Variants in MROH1 observed in about 807,000 individuals in gnomAD.
The protein encoded by MROH1 is maestro heat like repeat family member 1.
In MROH1, 117 loss-of-function variants were observed where a neutral mutation model predicts 116.5. The ratio of observed to expected loss-of-function variants is 1.00; its 90% confidence interval spans 0.86 to 1.17. MROH1 has a LOEUF of 1.17. Ranked by LOEUF, MROH1 falls within the 50% of genes most tolerant of loss-of-function variation. The pLI, the probability that MROH1 is intolerant of heterozygous loss-of-function variation, is 0.00. For synonymous variants in MROH1, 921 were observed against 583.9 expected (o/e 1.58, Z -8.32); for missense variants, 1,873 against 1,338.5 (o/e 1.40, Z -6.23).
chr8:144,161,105 G>A lies in MROH1; in HGVS notation c.-57+16G>A, dbSNP rs6420182. 0.82 allele frequency: 125,080 copies of A among 152,576 alleles called. 53,422 individuals carry two copies. Among genetic ancestry groups the A allele is most frequent in the East Asian group, 1 (5,173 of 5,188 alleles). The allele number at this position is 152,576 out of a possible 1,614,324, so 9.5% of individuals were successfully genotyped here. A position where few individuals can be genotyped will look rare whatever the true frequency, so the allele number is the denominator to read the frequency against. On this transcript the variant is annotated intron_variant, in intron 2 of 43. Coordinates refer to ENST00000326134, the MANE Select transcript of MROH1 (RefSeq NM_032450.3). ...CAGTTGTGGGGTGAGTCCTTCTCAC[G>A]CTTCAAATTTCTCCTCCCCGCTCTT...
rs113685858 is a variant in MROH1 at position 144,228,682 on chromosome 8, G to A, written c.1338+5452G>A. ...TTTCACCATGTTAGCCAAGATGGTC[G>A]CAATCTCCTGACCTCATGATCCACC... On this transcript the variant is annotated intron_variant, in intron 14 of 43. Coordinates refer to ENST00000326134, the MANE Select transcript of MROH1 (RefSeq NM_032450.3). 6.3e-3 allele frequency among the ~76,000 whole-genome samples: 959 copies of A among 152,266 alleles called. 14 individuals are homozygous for A. Among genetic ancestry groups the A allele is most frequent in the African/African-American group, 0.021 (890 of 41,560 alleles).
At chr8:144,193,878 G>A (rs1829224925) in intron 10 of MROH1, among the ~76,000 whole-genome samples, 1 of 151,846 alleles carries the variant, frequency 6.6e-6, no homozygotes, top group African/African-American at 2.4e-5. Flanking sequence ...CAAAGTGTTG[G>A]GATTACAGGC....
chr8:144,198,190 C>T (rs532066009), intron 10 of MROH1, among the ~76,000 whole-genome samples: 1 of 152,302 alleles, frequency 6.6e-6, no homozygotes, highest in East Asian at 1.9e-4. Flanking sequence ...GCCCTGTGGG[C>T]CTGGGGCCTT....
chr8:144,179,098 G>A (rs867172738), intron 4 of MROH1, among the ~76,000 whole-genome samples: 1 of 152,124 alleles, frequency 6.6e-6, no homozygotes, highest in Non-Finnish European at 1.5e-5. Flanking sequence ...CTGGGGACAG[G>A]AGTGTGCTCC....
chr8:144,258,633 G>A (rs1658709429), intron 35 of MROH1, 144 bp from the exon 36 acceptor site: 30 of 664,604 alleles, frequency 4.5e-5, no homozygotes, highest in South Asian at 4.4e-4. Context: ...ATGGCCCAGA[G>A]CCTGCTTCCT....
chr8:144,221,769 C>T (rs1024873694), intron 13 of MROH1, among the ~76,000 whole-genome samples: 7 of 152,096 alleles, frequency 4.6e-5, no homozygotes, highest in Admixed American at 2.6e-4. Flanking sequence ...TGAGACCAAC[C>T]GGCTCGCTCC....
At chr8:144,230,955 GCCTTC>G (rs1338739902) in intron 14 of MROH1, among the ~76,000 whole-genome samples, 1 of 142,422 alleles carries the variant, frequency 7.0e-6, no homozygotes, top group Non-Finnish European at 1.5e-5. Context: ...GGACCCTGCG[GCCTTC>G]CGCAGTGTTT....
chr8:144,255,699 C>T lies in MROH1; in HGVS notation c.3785C>T (p.Pro1262Leu). 5.3e-6 allele frequency: 4 copies of T among 756,788 alleles called. No individual in the cohort carries two copies. Among genetic ancestry groups the T allele is most frequent in the Non-Finnish European group, 9.8e-6 (4 of 407,080 alleles). 46.9% of individuals were successfully genotyped at this position (756,788 alleles called of 1,614,324 possible). Residue 1262 changes from proline (P) to leucine (L), a missense_variant, in exon 35 of 44, where the codon CCC becomes CTC. Pro to Leu is a moderately conservative substitution (Grantham distance 98, BLOSUM62 -3). Coordinates refer to ENST00000326134, the MANE Select transcript of MROH1 (RefSeq NM_032450.3). ...SPALATRNLE[P>L]CSSAVDTLRS... is the part of the protein sequence containing the mutation. ...GCCCTAGCCACCAGGAACCTGGAAC[C>T]CTGCAGGTATCTGGGTCCCCACTTC...
chr8:144,200,773 G>A, intron 12 of MROH1: 1 of 523,930 alleles, frequency 1.9e-6, no homozygotes, highest in South Asian at 2.0e-5. Flanking sequence ...ACAGCTGGCT[G>A]CAGACACCAT....
In MROH1 at chr8:144,255,557, G is replaced by C; in HGVS notation, c.3643G>C (p.Ala1215Pro). The change falls in exon 35 of 44, where the codon GCG becomes CCG. Residue 1215 changes from alanine (A) to proline (P), a missense_variant. Transcript: ENST00000326134. The stretch of plus-strand genomic sequence containing the variant: ...CATGTCCACGCCTGCAGCGGGGCCC[G>C]CGGTGCTCGAGCTCTACCCCCAGCT... ...EVMSTPAAGP[A>P]VLELYPQLFV... 2.6e-6 allele frequency: 2 copies of C among 779,360 alleles called. No individual in the cohort carries two copies. The highest frequency in any genetic ancestry group is 4.8e-6 in the Non-Finnish European group (2 of 417,790). 48.3% of individuals were successfully genotyped at this position (779,360 alleles called of 1,614,324 possible). A position where few individuals can be genotyped will look rare whatever the true frequency, so the allele number is the denominator to read the frequency against.
At chr8:144,162,369 G>A (rs929812231) in intron 2 of MROH1, among the ~76,000 whole-genome samples, 2 of 151,444 alleles carry the variant, frequency 1.3e-5, no homozygotes, top group African/African-American at 4.8e-5. Flanking sequence ...TTACAGATAT[G>A]AGCCACTGCG....
chr8:144,213,497 T>C (rs2132173824), intron 12 of MROH1: 1 of 163,474 alleles, frequency 6.1e-6, no homozygotes, highest in South Asian at 1.9e-4. Context: ...ACTGAAAACA[T>C]GATTTGCTGG....
chr8:144,256,243 T>A (rs1011691512), intron 35 of MROH1, among the ~76,000 whole-genome samples: 4 of 152,118 alleles, frequency 2.6e-5, no homozygotes, highest in Admixed American at 2.6e-4. Context: ...CAGGCGTGGC[T>A]GTGTGGCCTG....
At chr8:144,259,467 G>A (rs1844556790) in intron 37 of MROH1, 113 bp downstream of exon 37, 2 of 698,554 alleles carry the variant, frequency 2.9e-6, no homozygotes, top group East Asian at 2.7e-5. Flanking sequence ...GGTCTGTGAG[G>A]GAGGTTATGT....
In MROH1 at chr8:144,202,337, G is replaced by GAGGGAAGT. The variant is rs1204427540; in HGVS notation, c.1141+1797_1141+1804dup. ...GACCCGCTCTGTGTGGAGGGGCAGG[G>GAGGGAAGT]AGGGAAGTGTCCCCTCTGTGGAGGG... On this transcript the variant is annotated intron_variant, in intron 12 of 43. Transcript: ENST00000326134. 1.6e-3 allele frequency among the ~76,000 whole-genome samples: 241 copies of GAGGGAAGT among 151,196 alleles called. 1 individual carries two copies. The highest frequency in any genetic ancestry group is 5.5e-3 in the African/African-American group (224 of 41,074).
rs1167109908 is a variant in MROH1, at chr8:144,244,244, G to A, written c.2578G>A (p.Glu860Lys). 35 of 718,012 alleles carry A rather than the reference G, an allele frequency of 4.9e-5. 1 individual carries two copies. The highest frequency in any genetic ancestry group is 3.1e-4 in the South Asian group (21 of 67,588). The allele number at this position is 718,012 out of a possible 1,614,324, so 44.5% of individuals were successfully genotyped here. A position where few individuals can be genotyped will look rare whatever the true frequency, so the allele number is the denominator to read the frequency against. Reference protein sequence around the residue: ...YLVSVEPALDEQARADVIHGC... With the variant: ...YLVSVEPALDKQARADVIHGC... ...CAGCTCCGTGGAGCCAGCGCTGGAC[G>A]AGCAGGCCCGGGCGGATGTGATCCA... The change falls in exon 27 of 44, where the codon GAG (glutamate) becomes AAG (lysine). Residue 860 changes from glutamate (E) to lysine (K), a missense_variant. Physicochemically the swap from Glu to Lys is moderately conservative, Grantham distance 56. Transcript: ENST00000326134.
intron 7 of MROH1, among the ~76,000 whole-genome samples, chr8:144,184,657 A>G (rs567553096): frequency 3.9e-5 from 6 of 152,304 alleles, no homozygotes; most frequent in Non-Finnish European, 7.4e-5. Context: ...CACCAGCTGG[A>G]CAGGGGTCTG....
intron 7 of MROH1, among the ~76,000 whole-genome samples, chr8:144,184,513 A>G (rs891823621): frequency 6.6e-6 from 1 of 152,250 alleles, no homozygotes; most frequent in Non-Finnish European, 1.5e-5. Flanking sequence ...GAAAGGGAGA[A>G]AGGACAGGGT....
At chr8:144,218,691 T>TG (rs1564502340) in intron 12 of MROH1, among the ~76,000 whole-genome samples, 42 of 48,194 alleles carry the variant, frequency 8.7e-4, no homozygotes, top group Admixed American at 1.3e-3. Flanking sequence ...CCCTCCCCTC[T>TG]CTCCTCCCCT....
Sources: allele counts gnomAD v4.1 joint callset (sites outside exome capture counted in the v4.1 genomes callset), GRCh38; gene constraint gnomAD v4.1.1; transcripts MANE v1.5; gene names NCBI Gene and HGNC (gene_info 2026-07-23, HGNC 2026-07-21).